The following PTPRN2 variants were observed in gnomAD, a reference collection of about 807,000 sequenced individuals.
The protein encoded by PTPRN2 is protein tyrosine phosphatase receptor type N2, also known as receptor-type tyrosine-protein phosphatase N2.
A neutral mutation model predicts 118.8 loss-of-function variants in PTPRN2; 74 were observed. The observed-to-expected ratio is 0.62, with a 90% CI of 0.52 to 0.76. The LOEUF (loss-of-function observed/expected upper bound fraction) is 0.76, where lower values mean the gene tolerates loss of function less well. PTPRN2 is among the 30% of genes least tolerant of loss of function. The probability of loss-of-function intolerance (pLI) is 0.00; values close to 1 mark genes in which losing one functional copy is unlikely to be tolerated. For synonymous variants in PTPRN2, 641 were observed against 608.0 expected (o/e 1.05, Z -0.80); for missense variants, 1,481 against 1,394.4 (o/e 1.06, Z -0.99).
At chr7:157,638,860 C>T (rs1804494628) in intron 14 of PTPRN2, among the ~76,000 whole-genome samples, 1 of 152,198 alleles carries the variant, frequency 6.6e-6, no homozygotes, top group Admixed American at 6.5e-5. Context: ...GGCCCACTCG[C>T]TGCTCACCTG....
chr7:157,701,948 C>T (rs527552276), intron 12 of PTPRN2, among the ~76,000 whole-genome samples: 6 of 147,450 alleles, frequency 4.1e-5, no homozygotes, highest in Admixed American at 2.7e-4. Flanking sequence ...AAAGCCCGGT[C>T]GGTGCTGGTG....
At chr7:158,279,577 C>T (rs529095695) in intron 3 of PTPRN2, among the ~76,000 whole-genome samples, 4 of 152,346 alleles carry the variant, frequency 2.6e-5, no homozygotes, top group Admixed American at 6.5e-5. Context: ...AGTCCTCTCA[C>T]GGGATCCAGC....
chr7:158,413,554 C>T (rs538755622), intron 2 of PTPRN2, among the ~76,000 whole-genome samples: 1 of 152,344 alleles, frequency 6.6e-6, no homozygotes, highest in South Asian at 2.1e-4. Context: ...TTTTCCGACT[C>T]CCCTCCCAGA....
At chr7:157,776,369 CTCT>C (rs1368966856) in intron 12 of PTPRN2, among the ~76,000 whole-genome samples, 8 of 102,894 alleles carry the variant, frequency 7.8e-5, no homozygotes, top group East Asian at 6.8e-4. Context: ...TCCCTCCTCT[CTCT>C]TCTTCCTCAC....
rs999699187 is a variant in PTPRN2 at position 157,893,107 on chromosome 7, G to A, written c.1788+5566C>T. ...TGGTCTCCAGCATTTGGTGGAACGA[G>A]AACAAAGAAATGTCTGGAGAAGGCC... On this transcript the variant is annotated intron_variant, in intron 12 of 22. Transcript: ENST00000389418. The surrounding 1 kb of genome is among the most constrained non-coding windows in gnomAD (Gnocchi z 4.0). Among the ~76,000 whole-genome samples, 4 of 152,242 alleles carry A rather than the reference G, an allele frequency of 2.6e-5. No individual in the cohort carries two copies. Among genetic ancestry groups the A allele is most frequent in the Non-Finnish European group, 4.4e-5 (3 of 68,042 alleles).
chr7:158,300,554 A>ACAGCGCTTCGCCCGCCACCCAGTCCCG (rs1800814105), intron 3 of PTPRN2, among the ~76,000 whole-genome samples: 1 of 146,630 alleles, frequency 6.8e-6, no homozygotes, highest in African/African-American at 2.5e-5. Flanking sequence ...CTGCACGCCC[A>ACAGCGCTTCGCCCGCCACCCAGTCCCG]CAGCGCCTCG....
intron 1 of PTPRN2, among the ~76,000 whole-genome samples, chr7:158,513,222 C>T (rs1823300641): frequency 6.6e-6 from 1 of 152,190 alleles, no homozygotes; most frequent in African/African-American, 2.4e-5. Context: ...CCCCAATCTT[C>T]CTCCCCAGAA....
In PTPRN2 at chr7:157,682,896, T is replaced by G; in HGVS notation, c.1830A>C (p.Glu610Asp). 1.9e-6 allele frequency: 3 copies of G among 1,614,004 alleles called. No individual in the cohort carries two copies. The highest frequency in any genetic ancestry group is 2.5e-6 in the Non-Finnish European group (3 of 1,179,952). ...LKFLPPQAEQ[E>D]DSTKFIALTL... is the part of the protein sequence containing the mutation. ...TGAGCGCGATGAACTTGGTGGAGTC[T>G]TCTTGCTCCGCCTGAGGAGGCAGGA... The change falls in exon 13 of 23, where the codon GAA (glutamate) becomes GAC (aspartate). Residue 610 changes from glutamate to aspartate, a missense_variant. By Grantham distance (45) the Glu-to-Asp change is conservative. Transcript: ENST00000389418.
chr7:158,319,338 G>A (rs1017620304), intron 2 of PTPRN2, among the ~76,000 whole-genome samples: 1 of 151,954 alleles, frequency 6.6e-6, no homozygotes, highest in Non-Finnish European at 1.5e-5. Context: ...CTGCAAACTT[G>A]AGTGGAAAGT....
At chr7:158,372,181 AGAGCTGGACCCCCAACGCTGGTCCCCG>A (rs1401243169) in intron 2 of PTPRN2, among the ~76,000 whole-genome samples, 1 of 149,998 alleles carries the variant, frequency 6.7e-6, no homozygotes, top group African/African-American at 2.5e-5. Context: ...GCTGGTCCCC[AGAGCTGGACCCCCAACGCTGGTCCCCG>A]GAGCTGGACA....
chr7:157,753,372 T>C (rs925426398), intron 12 of PTPRN2, among the ~76,000 whole-genome samples: 1 of 152,150 alleles, frequency 6.6e-6, no homozygotes, highest in African/African-American at 2.4e-5. Context: ...CAATAGGAAG[T>C]GCAGTTTGGT....
At chr7:158,032,221 G>A (rs547438624) in intron 11 of PTPRN2, among the ~76,000 whole-genome samples, 11 of 152,208 alleles carry the variant, frequency 7.2e-5, no homozygotes, top group Admixed American at 5.2e-4. Context: ...TTATTGCTTC[G>A]CCGGGAGCAG....
intron 13 of PTPRN2, among the ~76,000 whole-genome samples, chr7:157,657,962 CAG>C (rs1337475523): frequency 3.2e-5 from 1 of 31,512 alleles, no homozygotes; most frequent in Non-Finnish European, 9.1e-5. Context: ...ACATATGTAA[CAG>C]ACACACACAC....
intron 14 of PTPRN2, among the ~76,000 whole-genome samples, chr7:157,630,491 G>A (rs956017679): frequency 2.0e-5 from 3 of 152,140 alleles, no homozygotes; most frequent in Non-Finnish European, 2.9e-5. Context: ...TCACCATCCC[G>A]CTCCTCTAAC....
At chr7:158,533,246 T>C (rs927455401) in intron 1 of PTPRN2, among the ~76,000 whole-genome samples, 2 of 152,206 alleles carry the variant, frequency 1.3e-5, no homozygotes, top group Non-Finnish European at 2.9e-5. Context: ...CAGTGCACCC[T>C]CGCTCACAGG....
intron 8 of PTPRN2, among the ~76,000 whole-genome samples, chr7:158,136,194 C>T (rs550100245): frequency 6.6e-6 from 1 of 152,176 alleles, no homozygotes; most frequent in African/African-American, 2.4e-5. Context: ...GGCACTGCAT[C>T]TTTCATTTAT....
At chr7:157,698,367 T>G (rs867427693) in intron 12 of PTPRN2, among the ~76,000 whole-genome samples, 1 of 152,242 alleles carries the variant, frequency 6.6e-6, no homozygotes, top group Non-Finnish European at 1.5e-5. Context: ...TGCCGATGAA[T>G]CTGAAGCTTT....
intron 2 of PTPRN2, among the ~76,000 whole-genome samples, chr7:158,396,727 C>T (rs4909208): frequency 0.97 from 147,589 of 152,246 alleles, 71,572 homozygotes; most frequent in African/African-American, 0.99. Flanking sequence ...TGTGTGTGTG[C>T]GCATACCATC....
chr7:157,666,489 C>A (rs1165638392), intron 13 of PTPRN2, among the ~76,000 whole-genome samples: 1 of 145,976 alleles, frequency 6.9e-6, no homozygotes, highest in Non-Finnish European at 1.5e-5. Flanking sequence ...TATTCCAGAG[C>A]CATTAGTGTG....
Sources: allele counts gnomAD v4.1 joint callset (sites outside exome capture counted in the v4.1 genomes callset), GRCh38; gene constraint gnomAD v4.1.1; non-coding constraint Gnocchi (gnomAD v3.1); transcripts MANE v1.5; gene names NCBI Gene and HGNC (gene_info 2026-07-23, HGNC 2026-07-21).